Variants in EIF3H observed in about 807,000 individuals in gnomAD.
EIF3H encodes the protein eukaryotic translation initiation factor 3 subunit H.
In EIF3H, 26 loss-of-function variants were observed where a neutral mutation model predicts 44.2. The observed-to-expected ratio is 0.59, with a 90% CI of 0.43 to 0.82. EIF3H has a LOEUF of 0.82. Among genes scored for constraint, EIF3H ranks in the 40% least tolerant of loss-of-function variants. The pLI, the probability that EIF3H is intolerant of heterozygous loss-of-function variation, is 0.00. For synonymous variants in EIF3H, 166 were observed against 151.9 expected (o/e 1.09, Z -0.68); for missense variants, 359 against 432.8 (o/e 0.83, Z 1.51).
chr8:116,653,515 A>G (rs1268179965), intron 5 of EIF3H, among the ~76,000 whole-genome samples: 1 of 152,200 alleles, frequency 6.6e-6, no homozygotes, highest in Admixed American at 6.5e-5. Context: ...TAGGAGTTTC[A>G]GTAACATTGC....
intron 1 of EIF3H, among the ~76,000 whole-genome samples, chr8:116,752,791 G>A (rs191008158): frequency 0.2 from 13,856 of 70,984 alleles, 2,092 homozygotes; most frequent in African/African-American, 0.37. Context: ...GAGGGAGGGA[G>A]GGAGGGAAGG....
chr8:116,707,965 T>A (rs1427738372), intron 2 of EIF3H, among the ~76,000 whole-genome samples: 2 of 152,184 alleles, frequency 1.3e-5, no homozygotes, highest in Non-Finnish European at 2.9e-5. Flanking sequence ...TGTTTCCTGA[T>A]TCAGTCAGTC....
intron 4 of EIF3H, 97 bp downstream of exon 4, chr8:116,657,118 C>T (rs1224203691): frequency 1.9e-6 from 2 of 1,048,252 alleles, no homozygotes; most frequent in Non-Finnish European, 3.0e-6. Flanking sequence ...ATGGCAAAAG[C>T]ATTACCACAC....
At chr8:116,755,588 G>A in intron 1 of EIF3H, 78 bp downstream of exon 1, 1 of 1,590,248 alleles carries the variant, frequency 6.3e-7, no homozygotes, top group Non-Finnish European at 8.6e-7. Context: ...GGGGGAGAAT[G>A]CTAGAAAGTA....
intron 2 of EIF3H, among the ~76,000 whole-genome samples, chr8:116,718,839 T>C (rs1053302504): frequency 6.6e-6 from 1 of 151,894 alleles, no homozygotes; most frequent in African/African-American, 2.4e-5. Flanking sequence ...AACTCATTCA[T>C]GTAACCAAAC....
At chr8:116,703,450 C>T (rs1033998935) in intron 2 of EIF3H, among the ~76,000 whole-genome samples, 1 of 152,170 alleles carries the variant, frequency 6.6e-6, no homozygotes, top group Non-Finnish European at 1.5e-5. Flanking sequence ...ATCCGGAGGC[C>T]TGACCATCTC....
rs528102143 is a variant in EIF3H at position 116,663,608 on chromosome 8, A to C, written c.290-4628T>G. Among the ~76,000 whole-genome samples, 63 of 152,262 alleles carry C rather than the reference A, an allele frequency of 4.1e-4. 1 individual carries two copies. The South Asian group carries it at 0.012, about 29-fold the overall frequency. On this transcript the variant is annotated intron_variant, in intron 2 of 7. Coordinates refer to ENST00000521861, the MANE Select transcript of EIF3H (RefSeq NM_003756.3). ...AAAAAGCAAACATCCCCACTGAGGA[A>C]AAGTAGTATGCAACACATAAATTTC...
intron 5 of EIF3H, among the ~76,000 whole-genome samples, chr8:116,655,334 T>C (rs1308348433): frequency 6.6e-6 from 1 of 151,286 alleles, no homozygotes; most frequent in African/African-American, 2.4e-5. Flanking sequence ...CCAACTAAAA[T>C]AGGTGAAGCC....
chr8:116,708,431 C>T (rs1316622674), intron 2 of EIF3H, among the ~76,000 whole-genome samples: 1 of 151,864 alleles, frequency 6.6e-6, no homozygotes, highest in Admixed American at 6.6e-5. Flanking sequence ...AAATACATAA[C>T]AAAGATACCA....
At chr8:116,674,714 A>G (rs78720986) in intron 2 of EIF3H, among the ~76,000 whole-genome samples, 15,465 of 152,218 alleles carry the variant, frequency 0.1, 1,171 homozygotes, top group East Asian at 0.42. Context: ...TCCAACAGTC[A>G]TTTTGTAAAG....
At chr8:116,745,937 A>G (rs1175131922) in intron 1 of EIF3H, among the ~76,000 whole-genome samples, 2 of 151,916 alleles carry the variant, frequency 1.3e-5, no homozygotes, top group Admixed American at 6.6e-5. Flanking sequence ...AAAAAAAAAA[A>G]GGAAAAGTCA....
At chr8:116,708,882 G>C (rs893839869) in intron 2 of EIF3H, among the ~76,000 whole-genome samples, 1 of 151,720 alleles carries the variant, frequency 6.6e-6, no homozygotes, top group Non-Finnish European at 1.5e-5. Context: ...TTCAACTGCT[G>C]TACTTCTAAG....
intron 2 of EIF3H, among the ~76,000 whole-genome samples, chr8:116,694,406 G>A (rs1814232276): frequency 6.6e-6 from 1 of 152,174 alleles, no homozygotes; most frequent in Non-Finnish European, 1.5e-5. Context: ...CTTTTCTTGT[G>A]AACTGTCTAA....
chr8:116,715,469 T>C (rs1213088409), intron 2 of EIF3H, among the ~76,000 whole-genome samples: 2 of 152,194 alleles, frequency 1.3e-5, no homozygotes, highest in East Asian at 1.9e-4. Context: ...TTCCCCTAAC[T>C]GAATTTTAGG....
At chr8:116,689,021 T>C in intron 2 of EIF3H, 2 of 411,662 alleles carry the variant, frequency 4.9e-6, no homozygotes, top group Non-Finnish European at 9.8e-6. Context: ...AGCAGCATTA[T>C]TCATAATAGG....
chr8:116,680,204 G>GC lies in EIF3H; in HGVS notation c.290-21225_290-21224insG, dbSNP rs1217661944. On this transcript the variant is annotated intron_variant, in intron 2 of 7. Coordinates refer to ENST00000521861, the MANE Select transcript of EIF3H (RefSeq NM_003756.3). ...GCCGCCCCTTCCGGGAGGGTGGGGG[G>GC]GGGGGTCAGCCCCCCGCCCGGCCAG... Among the ~76,000 whole-genome samples, 5 of 64,144 alleles carry GC rather than the reference G, an allele frequency of 7.8e-5. No homozygotes were observed. The East Asian group carries it at 2.0e-3, about 25-fold the overall frequency. The allele number at this position is 64,144 out of a possible 152,430, so 42.1% of individuals were successfully genotyped here.
At chr8:116,740,112 T>C (rs576764986) in intron 1 of EIF3H, among the ~76,000 whole-genome samples, 9 of 152,322 alleles carry the variant, frequency 5.9e-5, no homozygotes, top group African/African-American at 2.2e-4. Context: ...AGACCAGTGT[T>C]CCCAAACCAT....
Position 116,655,888 on chromosome 8 carries a change from T to C in EIF3H, c.675A>G (p.Ala225=). 6.2e-7 allele frequency: 1 copy of C among 1,613,828 alleles called. No individual in the cohort carries two copies. Among genetic ancestry groups the C allele is most frequent in the Non-Finnish European group, 8.5e-7 (1 of 1,179,774 alleles). Residue 225 remains alanine (A), a synonymous_variant, in exon 5 of 8, where the codon GCA becomes GCG. Transcript: ENST00000521861. ...CAAGGCTGAGCAATTCATGTTTATC[T>C]GCAACAGCTGACTTCTTTTCAAGTT... ...MWELEKKSAV[A]DKHELLSLAS... is the part of the protein sequence containing the mutation.
intron 2 of EIF3H, among the ~76,000 whole-genome samples, chr8:116,717,657 C>T (rs940644221): frequency 6.6e-6 from 1 of 152,116 alleles, no homozygotes; most frequent in Non-Finnish European, 1.5e-5. Flanking sequence ...AAATGACACC[C>T]TATTCAACAA....
Sources: allele counts gnomAD v4.1 joint callset (sites outside exome capture counted in the v4.1 genomes callset), GRCh38; gene constraint gnomAD v4.1.1; transcripts MANE v1.5; gene names NCBI Gene and HGNC (gene_info 2026-07-23, HGNC 2026-07-21).